The following SNX20 variants were observed in gnomAD, a reference collection of about 807,000 sequenced individuals.
SNX20 encodes sorting nexin 20.
In SNX20, 21 loss-of-function variants were observed where a neutral mutation model predicts 24.5. The observed-to-expected ratio is 0.86, with a 90% CI of 0.61 to 1.23. The LOEUF (loss-of-function observed/expected upper bound fraction) is 1.23, where lower values mean the gene tolerates loss of function less well. SNX20 is among the 50% of genes most tolerant of loss of function. The pLI is 0.00. For synonymous variants in SNX20, 206 were observed against 192.8 expected (o/e 1.07, Z -0.57); for missense variants, 433 against 430.8 (o/e 1.00, Z -0.04).
At chr16:50,676,924 C>T (rs1050818069) in intron 2 of SNX20, among the ~76,000 whole-genome samples, 2 of 152,214 alleles carry the variant, frequency 1.3e-5, no homozygotes, top group Non-Finnish European at 2.9e-5. Flanking sequence ...CAGGCTGGAC[C>T]GTGCCCTCTT....
At chr16:50,680,330 C>T (rs1157733808) in intron 1 of SNX20, among the ~76,000 whole-genome samples, 1 of 152,182 alleles carries the variant, frequency 6.6e-6, no homozygotes, top group Non-Finnish European at 1.5e-5. Context: ...GCAAAGATTT[C>T]TTGACTTTAT....
downstream of SNX20, chr16:50,668,425 T>A (rs539790916): frequency 1.7e-5 from 14 of 813,818 alleles, no homozygotes; most frequent in African/African-American, 2.5e-4. Context: ...GGTTAGGGTG[T>A]AATAACAGTG....
chr16:50,674,256 TA>T (rs1186313235), intron 3 of SNX20, among the ~76,000 whole-genome samples, 182 bp from the exon 4 acceptor site: 23 of 149,756 alleles, frequency 1.5e-4, no homozygotes, highest in African/African-American at 5.3e-4. Flanking sequence ...TTTATTTATT[TA>T]TTTATTTTTA....
intron 3 of SNX20, 100 bp downstream of exon 3, chr16:50,675,670 C>G: frequency 2.1e-6 from 3 of 1,461,582 alleles, no homozygotes; most frequent in Non-Finnish European, 2.8e-6. Flanking sequence ...GTGTGTTGAC[C>G]CATTTCATAG....
chr16:50,673,935 G>C lies in SNX20; in HGVS notation c.422C>G (p.Pro141Arg). 1.2e-6 allele frequency: 2 copies of C among 1,612,830 alleles called. No homozygotes were observed. Among genetic ancestry groups the C allele is most frequent in the Non-Finnish European group, 1.7e-6 (2 of 1,179,702 alleles). The change falls in exon 4 of 4, where the codon CCC becomes CGC. Residue 141 changes from proline (P) to arginine (R), a missense_variant. Physicochemically the swap from Pro to Arg is moderately radical, Grantham distance 103. Coordinates refer to ENST00000330943, the MANE Select transcript of SNX20 (RefSeq NM_182854.4). This position sits in a 1 kb window ranked among gnomAD's most constrained non-coding sequence, Gnocchi z 4.1. The part of the protein sequence containing the change: ...FREEIEDVEF[P>R]RKHLTGNFAE... ...GAAGTTCCCAGTCAGGTGCTTCCTG[G>C]GAAACTCCACGTCTTCGATCTCCTC...
Position 50,677,431 on chromosome 16 carries a change from G to T in SNX20, c.96C>A (p.Pro32=). The T allele has an allele frequency of 1.2e-6, 2 of 1,608,192 alleles. No individual in the cohort carries two copies. The highest frequency in any genetic ancestry group is 1.7e-6 in the Non-Finnish European group (2 of 1,177,042). ...RTQQEAPATG[P]DLPHPGPDGH... Reference sequence around the variant, plus strand: ...CGTCAGGTCCTGGGTGCGGGAGGTCGGGGCCAGTGGCTGGTGCTTCCTGCT... The same window carrying T: ...CGTCAGGTCCTGGGTGCGGGAGGTCTGGGCCAGTGGCTGGTGCTTCCTGCT... The change falls in exon 2 of 4, where the codon CCC becomes CCA. Residue 32 remains proline (P), a synonymous_variant. Coordinates refer to ENST00000330943, the MANE Select transcript of SNX20 (RefSeq NM_182854.4).
chr16:50,674,013 C>G lies in SNX20; in HGVS notation c.344G>C (p.Arg115Pro), dbSNP rs1963124159. 6 of 1,611,330 alleles carry G rather than the reference C, an allele frequency of 3.7e-6. No individual in the cohort carries two copies. In the East Asian group the frequency reaches 1.3e-4, roughly 36 times the overall value. ...GAGCTTCGCGAAGTCGGAATAGCGC[C>G]GTTCCAGGACGGCCTTGTTGTTGTC... ...SFDNNKAVLE[R>P]RYSDFAKLQK... The change falls in exon 4 of 4, where the codon CGG (arginine) becomes CCG (proline). Residue 115 changes from arginine (R) to proline (P), a missense_variant. Coordinates refer to ENST00000330943, the MANE Select transcript of SNX20 (RefSeq NM_182854.4).
Position 50,673,663 on chromosome 16 carries a change from C to A in SNX20, c.694G>T (p.Ala232Ser). 1 of 1,501,722 alleles carries A rather than the reference C, an allele frequency of 6.7e-7. No individual in the cohort carries two copies. The highest frequency in any genetic ancestry group is 1.2e-5 in the South Asian group (1 of 80,054). The allele number at this position is 1,501,722 out of a possible 1,614,324, so 93.0% of individuals were successfully genotyped here. The change falls in exon 4 of 4, where the codon GCC becomes TCC. Residue 232 changes from alanine (A) to serine (S), a missense_variant. Coordinates refer to ENST00000330943, the MANE Select transcript of SNX20 (RefSeq NM_182854.4). This position sits in a 1 kb window ranked among gnomAD's most constrained non-coding sequence, Gnocchi z 4.1. ...AGGTCGCGGTGGCACAGCAGCACGGCGCACAGGGCCGGGACGGCGGCCGCA... is the reference window on the plus strand; with the variant it reads ...AGGTCGCGGTGGCACAGCAGCACGGAGCACAGGGCCGGGACGGCGGCCGCA... Reference protein sequence around the residue: ...CPAAAVPALCAVLLCHRDLDR... With the variant: ...CPAAAVPALCSVLLCHRDLDR...
At chr16:50,668,124 C>G (rs1596786508), downstream of SNX20, 2 of 1,550,068 alleles carry the variant, frequency 1.3e-6, no homozygotes, top group Non-Finnish European at 1.7e-6. Context: ...CAGGGCTGAA[C>G]ACTCGAGTTG....
Position 50,673,706 on chromosome 16 carries a change from C to T in SNX20, c.651G>A (p.Lys217=), listed in dbSNP as rs778857780. 2.0e-6 allele frequency: 3 copies of T among 1,501,028 alleles called. No homozygotes were observed. Among genetic ancestry groups the T allele is most frequent in the Non-Finnish European group, 2.6e-6 (3 of 1,133,384 alleles). 93.0% of individuals were successfully genotyped at this position (1,501,028 alleles called of 1,614,324 possible). A position where few individuals can be genotyped will look rare whatever the true frequency, so the allele number is the denominator to read the frequency against. The change falls in exon 4 of 4, where the codon AAG becomes AAA. Residue 217 remains lysine (K), a synonymous_variant. Coordinates refer to ENST00000330943, the MANE Select transcript of SNX20 (RefSeq NM_182854.4). This position sits in a 1 kb window ranked among gnomAD's most constrained non-coding sequence, Gnocchi z 4.1. ...CGGCCGCAGGGCAGTGGGCGGTGAG[C>T]TTCTCCTGCAGCGGCAGCACGCGCA... ...LLLRVLPLQE[K]LTAHCPAAAV...
At chr16:50,680,768 C>T (rs887808618) in intron 1 of SNX20, among the ~76,000 whole-genome samples, 2 of 152,102 alleles carry the variant, frequency 1.3e-5, no homozygotes, top group Middle Eastern at 3.2e-3. Context: ...TAAGAATCCC[C>T]TGGTGGGGTG....
rs533298223 is a variant in SNX20 at position 50,675,751 on chromosome 16, T to C, written c.282+19A>G. On this transcript the variant is annotated intron_variant, in intron 3 of 3. Transcript: ENST00000330943. ...AAGCAGAGTGAAAGAGGCTCCACCATTTCCCAATCTCTGCTTACCACAAAC... is the reference window on the plus strand; with the variant it reads ...AAGCAGAGTGAAAGAGGCTCCACCACTTCCCAATCTCTGCTTACCACAAAC... 4.3e-6 allele frequency: 7 copies of C among 1,611,024 alleles called. No homozygotes were observed. In the East Asian group the frequency reaches 1.6e-4, roughly 36 times the overall value.
At chr16:50,667,823 G>C (rs1258751696), downstream of SNX20, 3 of 629,806 alleles carry the variant, frequency 4.8e-6, no homozygotes, top group Non-Finnish European at 8.4e-6. Flanking sequence ...CCAGCCTGGA[G>C]CTAGTGAGGG....
In SNX20 at chr16:50,673,699, C is replaced by T; in HGVS notation, c.658G>A (p.Ala220Thr). 2 of 1,500,096 alleles carry T rather than the reference C, an allele frequency of 1.3e-6. No homozygotes were observed. Among genetic ancestry groups the T allele is most frequent in the Non-Finnish European group, 1.8e-6 (2 of 1,132,888 alleles). 92.9% of individuals were successfully genotyped at this position (1,500,096 alleles called of 1,614,324 possible). ...RVLPLQEKLT[A>T]HCPAAAVPAL... The stretch of plus-strand genomic sequence containing the variant: ...GGGACGGCGGCCGCAGGGCAGTGGG[C>T]GGTGAGCTTCTCCTGCAGCGGCAGC... Residue 220 changes from alanine to threonine, a missense_variant, in exon 4 of 4, where the codon GCC becomes ACC. Ala to Thr is a moderately conservative substitution (Grantham distance 58). Transcript: ENST00000330943. The surrounding 1 kb of genome is among the most constrained non-coding windows in gnomAD (Gnocchi z 4.1).
downstream of SNX20, chr16:50,669,027 G>C (rs1333833215): frequency 1.3e-6 from 2 of 1,551,844 alleles, no homozygotes; most frequent in Admixed American, 3.9e-5. Flanking sequence ...GGGTTATTCT[G>C]TGTGTGCTGC....
chr16:50,667,892 C>A, downstream of SNX20: 1 of 986,386 alleles, frequency 1.0e-6, no homozygotes, highest in Non-Finnish European at 1.5e-6. Flanking sequence ...GAGGGGAGGG[C>A]ATTTTCTTGA....
In SNX20 at chr16:50,675,903, C is replaced by G. The variant is rs772609651; in HGVS notation, c.149G>C (p.Ser50Thr). 1.9e-6 allele frequency: 3 copies of G among 1,609,532 alleles called. No homozygotes were observed. Among genetic ancestry groups the G allele is most frequent in the African/African-American group, 2.7e-5 (2 of 74,690 alleles). ...DGHLDTHSGL[S>T]SNSSMTTREL... Reference sequence around the variant, plus strand: ...CCGCGTGGTCATGCTGGAGTTGGAGCTCAGGCCACTGTGTGTGTCTGGAAG... The same window carrying G: ...CCGCGTGGTCATGCTGGAGTTGGAGGTCAGGCCACTGTGTGTGTCTGGAAG... The change falls in exon 3 of 4, where the codon AGC becomes ACC. Residue 50 changes from serine to threonine, a missense_variant. By Grantham distance (58) the Ser-to-Thr change is moderately conservative (BLOSUM62 1). Transcript: ENST00000330943.
At chr16:50,680,275 T>C (rs887893935) in intron 1 of SNX20, among the ~76,000 whole-genome samples, 19 of 152,208 alleles carry the variant, frequency 1.2e-4, no homozygotes, top group Non-Finnish European at 2.6e-4. Flanking sequence ...GATAGCCACA[T>C]AGACGGTTCC....
At chr16:50,680,520 C>T (rs1963274764) in intron 1 of SNX20, among the ~76,000 whole-genome samples, 1 of 152,138 alleles carries the variant, frequency 6.6e-6, no homozygotes, top group South Asian at 2.1e-4. Context: ...CAAGTCCAGT[C>T]CTTCTTCTGC....
Sources: allele counts gnomAD v4.1 joint callset (sites outside exome capture counted in the v4.1 genomes callset), GRCh38; gene constraint gnomAD v4.1.1; non-coding constraint Gnocchi (gnomAD v3.1); transcripts MANE v1.5; gene names NCBI Gene and HGNC (gene_info 2026-07-23, HGNC 2026-07-21).